The following DNAAF1 variants were observed in gnomAD, a reference collection of about 807,000 sequenced individuals.
DNAAF1 encodes the protein dynein assembly factor 1, axonemal.
Under a neutral mutation model 71.1 loss-of-function variants are expected in DNAAF1, and 65 were observed. The ratio of observed to expected loss-of-function variants is 0.91; its 90% CI spans 0.75 to 1.12. The LOEUF (loss-of-function observed/expected upper bound fraction) is 1.12. DNAAF1 is among the 50% of genes most tolerant of loss of function. The probability of loss-of-function intolerance (pLI) is 0.00; values close to 1 mark genes in which losing one functional copy is unlikely to be tolerated. For synonymous variants in DNAAF1, 414 were observed against 354.6 expected (o/e 1.17, Z -1.88); for missense variants, 1,178 against 899.8 (o/e 1.31, Z -3.96).
intron 6 of DNAAF1, among the ~76,000 whole-genome samples, chr16:84,163,966 G>A (rs1319145478): frequency 6.6e-6 from 1 of 151,704 alleles, no homozygotes. Flanking sequence ...CACCATGCCT[G>A]GCTAGTTTTT....
chr16:84,149,971 G>A (rs545961728), intron 2 of DNAAF1, among the ~76,000 whole-genome samples: 95 of 152,128 alleles, frequency 6.2e-4, no homozygotes, highest in Non-Finnish European at 1.2e-3. Flanking sequence ...TTTGCAGTGA[G>A]CTGAGATTGT....
Position 84,155,592 on chromosome 16 carries a change from C to G in DNAAF1, c.584C>G (p.Pro195Arg), listed in dbSNP as rs1308392116. The G allele has an allele frequency of 6.2e-7, 1 of 1,614,132 alleles. No individual in the cohort carries two copies. Among genetic ancestry groups the G allele is most frequent in the East Asian group, 2.2e-5 (1 of 44,880 alleles). The stretch of plus-strand genomic sequence containing the variant: ...TGACCTTACCTTCCAGCCTGCCTCC[C>G]AGTCCTGAACACATTGCAGATGGCC... ...IKTIENLSCL[P>R]VLNTLQMAHN... Residue 195 changes from proline to arginine, a missense_variant, in exon 5 of 12, where the codon CCA becomes CGA. By Grantham distance (103) the Pro-to-Arg change is moderately radical (BLOSUM62 -2). Coordinates refer to ENST00000378553, the MANE Select transcript of DNAAF1 (RefSeq NM_178452.6).
At chr16:84,148,984 A>T in intron 1 of DNAAF1, 23 bp from the exon 2 acceptor site, 1 of 1,613,774 alleles carries the variant, frequency 6.2e-7, no homozygotes, top group East Asian at 2.2e-5. Context: ...ATCTCTACAG[A>T]CCTGATCTCT....
At chr16:84,175,179 G>A (rs534262868) in intron 10 of DNAAF1, 10 of 223,438 alleles carry the variant, frequency 4.5e-5, no homozygotes, top group South Asian at 1.3e-4. Context: ...TTTTCACCTT[G>A]CTGAAGGAAA....
Position 84,145,415 on chromosome 16 carries a change from G to C in DNAAF1, c.-26G>C, listed in dbSNP as rs1186711993. On this transcript the variant is annotated 5_prime_UTR_variant, in exon 1 of 12. Coordinates refer to ENST00000378553, the MANE Select transcript of DNAAF1 (RefSeq NM_178452.6). Reference sequence around the variant, plus strand: ...CGAACCTGGGCCCCCCAAAGCTGCGGGGCGTTCGGTGTCGCCGAAGTAAAC... The same window carrying C: ...CGAACCTGGGCCCCCCAAAGCTGCGCGGCGTTCGGTGTCGCCGAAGTAAAC... 2 of 1,573,052 alleles carry C rather than the reference G, an allele frequency of 1.3e-6. No individual in the cohort carries two copies. The highest frequency in any genetic ancestry group is 1.2e-5 in the South Asian group (1 of 85,596).
At chr16:84,157,593 T>C (rs193238557) in intron 5 of DNAAF1, among the ~76,000 whole-genome samples, 1 of 152,032 alleles carries the variant, frequency 6.6e-6, no homozygotes, top group Non-Finnish European at 1.5e-5. Flanking sequence ...GAGTCCTCGC[T>C]AGTAGCCTTT....
intron 10 of DNAAF1, 44 bp from the exon 11 acceptor site, chr16:84,175,889 T>C (rs1242819252): frequency 1.2e-6 from 2 of 1,608,860 alleles, no homozygotes; most frequent in Non-Finnish European, 1.7e-6. Context: ...AGCGATTCTG[T>C]TGTGAAAACA....
chr16:84,158,694 G>C (rs1420960817), intron 5 of DNAAF1: 2 of 152,100 alleles, frequency 1.3e-5, no homozygotes, highest in African/African-American at 4.8e-5. Context: ...ACCACATTTT[G>C]AAATGGTTCA....
chr16:84,172,342 T>A lies in DNAAF1; in HGVS notation c.1611T>A (p.Ile537=). ...DGTRTEDLET[I]RLETKETFCI... ...CGAGAACGGAAGATTTAGAAACCAT[T>A]AGACTGGAGACAAAGGAGACATTCT... Residue 537 remains isoleucine (I), a synonymous_variant, in exon 9 of 12, where the codon ATT becomes ATA. Transcript: ENST00000378553. 6.2e-7 allele frequency: 1 copy of A among 1,614,192 alleles called. No individual in the cohort carries two copies. Among genetic ancestry groups the A allele is most frequent in the Non-Finnish European group, 8.5e-7 (1 of 1,180,012 alleles).
At chr16:84,164,251 A>G (rs929353699) in intron 6 of DNAAF1, among the ~76,000 whole-genome samples, 2 of 152,230 alleles carry the variant, frequency 1.3e-5, no homozygotes, top group East Asian at 1.9e-4. Context: ...CGATCAAGCA[A>G]TGCTGGTACC....
At chr16:84,157,956 C>T (rs931478520) in intron 5 of DNAAF1, among the ~76,000 whole-genome samples, 16 of 152,074 alleles carry the variant, frequency 1.1e-4, no homozygotes, top group African/African-American at 3.9e-4. Flanking sequence ...GCCTGTAATC[C>T]CAGCGCTCTG....
intron 1 of DNAAF1, 98 bp from the exon 2 acceptor site, chr16:84,148,909 C>A: frequency 7.2e-7 from 1 of 1,381,802 alleles, no homozygotes; most frequent in Non-Finnish European, 1.0e-6. Context: ...TACTGGTGTT[C>A]TATACTAAAA....
intron 9 of DNAAF1, chr16:84,174,201 C>T: frequency 7.8e-6 from 8 of 1,025,150 alleles, no homozygotes; most frequent in South Asian, 3.7e-5. Flanking sequence ...GCCTCCCCAA[C>T]CACGCACTGG....
At chr16:84,172,582 C>T (rs2088422084) in intron 9 of DNAAF1, 2 of 1,393,250 alleles carry the variant, frequency 1.4e-6, no homozygotes, top group South Asian at 2.9e-5. Context: ...ATGCACTGCC[C>T]TAGGTGATTC....
At chr16:84,155,461 C>T (rs2087382389) in intron 4 of DNAAF1, 122 bp from the exon 5 acceptor site, 4 of 1,138,384 alleles carry the variant, frequency 3.5e-6, no homozygotes, top group Non-Finnish European at 5.2e-6. Flanking sequence ...ACCTCCTGGG[C>T]TCGAAAGATT....
chr16:84,148,094 C>T (rs1005610724), intron 1 of DNAAF1, among the ~76,000 whole-genome samples: 14 of 152,146 alleles, frequency 9.2e-5, no homozygotes, highest in Admixed American at 4.6e-4. Flanking sequence ...AAACATTTCA[C>T]ATAGAGTTGG....
At chr16:84,168,208 C>A (rs1428869630) in intron 7 of DNAAF1, among the ~76,000 whole-genome samples, 1 of 152,142 alleles carries the variant, frequency 6.6e-6, no homozygotes, top group Non-Finnish European at 1.5e-5. Context: ...GCTCGTGGCC[C>A]CTTCTTCCAA....
chr16:84,148,400 G>A (rs964389578), intron 1 of DNAAF1, among the ~76,000 whole-genome samples: 8 of 151,758 alleles, frequency 5.3e-5, no homozygotes, highest in Non-Finnish European at 8.8e-5. Context: ...CAGCCCCTAT[G>A]GATGGACATT....
Position 84,146,454 on chromosome 16 carries a change from C to T in DNAAF1, c.124+890C>T, listed in dbSNP as rs11861196. ...CTTCATGGCCAGGCACGGTGGCTCA[C>T]GCCTGTAATCCCAGCAATTTGGGAG... On this transcript the variant is annotated intron_variant, in intron 1 of 11. Transcript: ENST00000378553. Among the ~76,000 whole-genome samples, 1,239 of 152,240 alleles carry T rather than the reference C, an allele frequency of 8.1e-3. 15 individuals carry two copies. The highest frequency in any genetic ancestry group is 0.028 in the African/African-American group (1,169 of 41,538).
Sources: gnomAD v4.1 joint callset for allele counts (sites outside exome capture counted in the v4.1 genomes callset) on GRCh38, gnomAD v4.1.1 for gene constraint, MANE v1.5 for transcripts, NCBI Gene and HGNC (gene_info 2026-07-23, HGNC 2026-07-21) for gene names.